Variants in TM9SF4 observed in about 807,000 individuals in gnomAD.
TM9SF4 encodes the protein dinucleotide oxidase disulfide thiol exchanger 3 superfamily member 4.
Under a neutral mutation model 90.4 loss-of-function variants are expected in TM9SF4, and 26 were observed. The ratio of observed to expected loss-of-function variants is 0.29; its 90% CI spans 0.21 to 0.40. The LOEUF (loss-of-function observed/expected upper bound fraction) is 0.40, where lower values mean the gene tolerates loss of function less well. TM9SF4 is among the 10% of genes least tolerant of loss of function. The probability of loss-of-function intolerance (pLI) is 1.00; values close to 1 mark genes in which losing one functional copy is unlikely to be tolerated. For synonymous variants in TM9SF4, 293 were observed against 315.4 expected (o/e 0.93, Z 0.75); for missense variants, 549 against 834.8 (o/e 0.66, Z 4.22).
intron 17 of TM9SF4, among the ~76,000 whole-genome samples, chr20:32,163,266 A>C (rs6061200): frequency 1.2e-4 from 9 of 77,680 alleles, no homozygotes; most frequent in Admixed American, 3.2e-4. Context: ...AAAAAAAAAA[A>C]AAATATATAT....
At chr20:32,136,007 G>T in intron 2 of TM9SF4, 67 bp from the exon 3 acceptor site, 1 of 1,384,904 alleles carries the variant, frequency 7.2e-7, no homozygotes, top group Non-Finnish European at 1.0e-6. Context: ...ATTACCAAGT[G>T]TACTAAAGAT....
intron 17 of TM9SF4, 151 bp downstream of exon 17, chr20:32,161,516 A>G: frequency 3.1e-6 from 2 of 639,218 alleles, no homozygotes; most frequent in Middle Eastern, 4.1e-4. Flanking sequence ...CTGCTCTAGA[A>G]GATGGATCTT....
chr20:32,124,653 C>A (rs1458079405), intron 1 of TM9SF4, among the ~76,000 whole-genome samples: 1 of 151,166 alleles, frequency 6.6e-6, no homozygotes, highest in East Asian at 1.9e-4. Flanking sequence ...ATGGCACAAT[C>A]TTGGCTCACT....
intron 1 of TM9SF4, among the ~76,000 whole-genome samples, chr20:32,110,222 C>G (rs1183405943): frequency 1.3e-5 from 2 of 152,148 alleles, no homozygotes; most frequent in African/African-American, 4.8e-5. Flanking sequence ...AGCGCTGCCT[C>G]AGATCCTTTT....
At chr20:32,122,345 C>T (rs1394301430) in intron 1 of TM9SF4, among the ~76,000 whole-genome samples, 5 of 151,412 alleles carry the variant, frequency 3.3e-5, no homozygotes, top group Non-Finnish European at 7.4e-5. Context: ...GGCTGCCGGG[C>T]GGAGATGCTC....
intron 1 of TM9SF4, among the ~76,000 whole-genome samples, chr20:32,123,481 C>CT (rs11482946): frequency 0.42 from 61,523 of 146,786 alleles, 12,943 homozygotes; most frequent in East Asian, 0.74. Flanking sequence ...GCCATTTGAG[C>CT]TTTTTTTTTT....
At chr20:32,157,702 T>C in intron 13 of TM9SF4, 92 bp from the exon 14 acceptor site, 1 of 1,512,830 alleles carries the variant, frequency 6.6e-7, no homozygotes, top group Non-Finnish European at 8.9e-7. Context: ...TCGCCTCTCC[T>C]TCTGTGGAGC....
chr20:32,146,266 G>T (rs897266048), intron 8 of TM9SF4, among the ~76,000 whole-genome samples: 14 of 152,168 alleles, frequency 9.2e-5, no homozygotes, highest in Non-Finnish European at 1.8e-4. Flanking sequence ...AAGTACAAAT[G>T]GGGGTGGGAG....
At chr20:32,165,245 C>A in intron 17 of TM9SF4, 50 bp from the exon 18 acceptor site, 2 of 1,605,862 alleles carry the variant, frequency 1.2e-6, no homozygotes, top group South Asian at 2.2e-5. Flanking sequence ...GTTCGCCATG[C>A]AGCCTGGCAC....
chr20:32,136,176 A>G lies in TM9SF4; in HGVS notation c.229+3A>G, dbSNP rs994636925. On this transcript the variant is annotated splice_donor_region_variant and intron_variant, in intron 3 of 17. Coordinates refer to ENST00000398022, the MANE Select transcript of TM9SF4 (RefSeq NM_014742.4). ...AACCTACAAGGCAGAGAATCTGGGT[A>G]AGTTCTTCTCCCACACTGCTGTCAA... 1 of 1,613,930 alleles carries G rather than the reference A, an allele frequency of 6.2e-7. No homozygotes were observed. The highest frequency in any genetic ancestry group is 8.5e-7 in the Non-Finnish European group (1 of 1,179,836).
chr20:32,159,853 G>A (rs2046988391), intron 15 of TM9SF4, 139 bp from the exon 16 acceptor site: 4 of 1,254,906 alleles, frequency 3.2e-6, no homozygotes, highest in Non-Finnish European at 4.5e-6. Context: ...GGGAAGAGGG[G>A]CCAGAGCCAC....
intron 1 of TM9SF4, among the ~76,000 whole-genome samples, chr20:32,122,893 GA>G (rs2046347637): frequency 6.6e-6 from 1 of 151,970 alleles, no homozygotes; most frequent in Non-Finnish European, 1.5e-5. Context: ...AGCACTGAGT[GA>G]ACCAGACTCC....
intron 1 of TM9SF4, among the ~76,000 whole-genome samples, chr20:32,118,022 C>A (rs957259866): frequency 1.3e-5 from 2 of 152,170 alleles, no homozygotes; most frequent in Non-Finnish European, 2.9e-5. Context: ...GAAGCAGGTA[C>A]TTTGCTTTTT....
chr20:32,146,337 G>T (rs748404660), intron 8 of TM9SF4, among the ~76,000 whole-genome samples: 9 of 152,144 alleles, frequency 5.9e-5, no homozygotes, highest in Non-Finnish European at 1.2e-4. Context: ...CTCGAAGCAC[G>T]CGTAGGAGTC....
At chr20:32,116,856 CTTTTTCT>C (rs2046231648) in intron 1 of TM9SF4, among the ~76,000 whole-genome samples, 2 of 99,934 alleles carry the variant, frequency 2.0e-5, no homozygotes, top group Admixed American at 1.1e-4. Context: ...CTCCTTTTTC[CTTTTTCT>C]TTTTTTTTTT....
Position 32,166,093 on chromosome 20 carries a change from C to A in TM9SF4, c.*649C>A, listed in dbSNP as rs1324190975. ...GGGTCATCTTTTCACCAGGAGCAAA[C>A]CCAAGTCTTAGTTGCTACAAGAAAA... On this transcript the variant is annotated 3_prime_UTR_variant, in exon 18 of 18. Coordinates refer to ENST00000398022, the MANE Select transcript of TM9SF4 (RefSeq NM_014742.4). 4.6e-5 allele frequency: 7 copies of A among 153,010 alleles called. No individual in the cohort carries two copies. The Admixed American group carries it at 4.6e-4, about 10-fold the overall frequency. The allele number at this position is 153,010 out of a possible 1,614,324, so 9.5% of individuals were successfully genotyped here. A position where few individuals can be genotyped will look rare whatever the true frequency, so the allele number is the denominator to read the frequency against.
chr20:32,161,567 C>T (rs1249057615), intron 17 of TM9SF4, among the ~76,000 whole-genome samples: 1 of 152,098 alleles, frequency 6.6e-6, no homozygotes, highest in African/African-American at 2.4e-5. Context: ...GTTTGGGAGA[C>T]AAAGGCCATC....
chr20:32,131,481 A>AGTGTGTGTGTGTGTGTGT (rs10524812), intron 1 of TM9SF4, among the ~76,000 whole-genome samples: 41 of 147,654 alleles, frequency 2.8e-4, no homozygotes, highest in African/African-American at 1.0e-3. Context: ...GAGTCATCAG[A>AGTGTGTGTGTGTGTGTGT]GTGTGTGTGT....
intron 12 of TM9SF4, among the ~76,000 whole-genome samples, chr20:32,152,197 C>T (rs2046853159): frequency 6.6e-6 from 1 of 151,958 alleles, no homozygotes; most frequent in South Asian, 2.1e-4. Flanking sequence ...ATGATTTGAG[C>T]ATTTTTCTCT....
Sources: gnomAD v4.1 joint callset for allele counts (sites outside exome capture counted in the v4.1 genomes callset) on GRCh38, gnomAD v4.1.1 for gene constraint, MANE v1.5 for transcripts, NCBI Gene and HGNC (gene_info 2026-07-23, HGNC 2026-07-21) for gene names.